Variants in FBXL7 observed in about 807,000 individuals in gnomAD.
FBXL7 encodes F-box/LRR-repeat protein 7.
In FBXL7, 12 loss-of-function variants were observed where a neutral mutation model predicts 38.3. The observed-to-expected ratio is 0.31, with a 90% CI of 0.20 to 0.51. The LOEUF is 0.51. Among genes scored for constraint, FBXL7 ranks in the 20% least tolerant of loss-of-function variants. The pLI is 0.98. For synonymous variants in FBXL7, 297 were observed against 300.9 expected (o/e 0.99, Z 0.13); for missense variants, 567 against 676.4 (o/e 0.84, Z 1.79).
chr5:15,729,509 AT>A (rs973637013), intron 2 of FBXL7, among the ~76,000 whole-genome samples: 2 of 152,138 alleles, frequency 1.3e-5, no homozygotes, highest in Non-Finnish European at 2.9e-5. Context: ...GAAAGAAAAA[AT>A]TACTGTTATT....
At chr5:15,913,331 A>G (rs894398242) in intron 2 of FBXL7, among the ~76,000 whole-genome samples, 3 of 150,750 alleles carry the variant, frequency 2.0e-5, no homozygotes, top group Non-Finnish European at 2.9e-5. Flanking sequence ...GGTTAGTTAC[A>G]TATGTATACA....
intron 2 of FBXL7, among the ~76,000 whole-genome samples, chr5:15,921,629 C>T (rs1741744599): frequency 6.6e-6 from 1 of 152,138 alleles, no homozygotes. Flanking sequence ...TTATAAATAA[C>T]TCATGCAACT....
intron 2 of FBXL7, among the ~76,000 whole-genome samples, chr5:15,666,555 A>C (rs573823072): frequency 6.6e-6 from 1 of 152,270 alleles, no homozygotes; most frequent in South Asian, 2.1e-4. Context: ...TGGGGAGTGT[A>C]CTTGCTCGTT....
intron 2 of FBXL7, among the ~76,000 whole-genome samples, chr5:15,768,188 C>T (rs1225960201): frequency 1.3e-5 from 2 of 152,090 alleles, no homozygotes; most frequent in East Asian, 1.9e-4. Context: ...TACTACTTTA[C>T]AGGTAGAGTG....
chr5:15,803,820 G>A (rs1737634661), intron 2 of FBXL7, among the ~76,000 whole-genome samples: 1 of 152,154 alleles, frequency 6.6e-6, no homozygotes, highest in Non-Finnish European at 1.5e-5. Flanking sequence ...AGGACTCTGT[G>A]CAAGTGAGGA....
intron 2 of FBXL7, among the ~76,000 whole-genome samples, chr5:15,850,933 C>T (rs1006161022): frequency 1.3e-5 from 2 of 152,228 alleles, no homozygotes; most frequent in African/African-American, 2.4e-5. Context: ...TCATCTCTTG[C>T]GGCTTGGCTG....
chr5:15,606,565 C>T (rs1331729907), intron 1 of FBXL7, among the ~76,000 whole-genome samples: 4 of 152,194 alleles, frequency 2.6e-5, no homozygotes, highest in African/African-American at 4.8e-5. Context: ...TTAGGACATT[C>T]AGTGTAAAGA....
chr5:15,580,495 G>A (rs1288677068), intron 1 of FBXL7: 1 of 360,706 alleles, frequency 2.8e-6, no homozygotes, highest in Non-Finnish European at 3.9e-6. Flanking sequence ...GCCATACACT[G>A]GTTTATAATT....
chr5:15,715,322 C>T (rs919992095), intron 2 of FBXL7, among the ~76,000 whole-genome samples: 2 of 151,892 alleles, frequency 1.3e-5, no homozygotes, highest in Non-Finnish European at 2.9e-5. Context: ...GAAACCCCGT[C>T]TCTACCAAAA....
rs372129656 is a variant in FBXL7, at chr5:15,694,214, GCATGTCCTGCAAA to G, written c.127+78143_127+78155del. Among the ~76,000 whole-genome samples, 991 of 152,298 alleles carry G rather than the reference GCATGTCCTGCAAA, an allele frequency of 6.5e-3. 5 individuals carry two copies. Among genetic ancestry groups the G allele is most frequent in the Non-Finnish European group, 9.7e-3 (659 of 68,022 alleles). On this transcript the variant is annotated intron_variant, in intron 2 of 3. Transcript: ENST00000504595. ...CAAAGACACAAGCCTCACCCTTGTT[GCATGTCCTGCAAA>G]GGGATAAGGGAAAACTCCTCCCATT...
chr5:15,685,031 T>A (rs1343196872), intron 2 of FBXL7, among the ~76,000 whole-genome samples: 4 of 152,172 alleles, frequency 2.6e-5, no homozygotes, highest in African/African-American at 9.6e-5. Flanking sequence ...AAAGAGGATT[T>A]TTTTTTTCTG....
chr5:15,568,460 T>C (rs1738660125), intron 1 of FBXL7, among the ~76,000 whole-genome samples: 1 of 152,148 alleles, frequency 6.6e-6, no homozygotes, highest in Non-Finnish European at 1.5e-5. Context: ...TGTAAATTTG[T>C]TTGAGTTCAT....
chr5:15,666,734 A>G (rs1742294518), intron 2 of FBXL7, among the ~76,000 whole-genome samples: 1 of 152,188 alleles, frequency 6.6e-6, no homozygotes, highest in South Asian at 2.1e-4. Context: ...TATCACAGCT[A>G]TTCTCTGACT....
intron 1 of FBXL7, among the ~76,000 whole-genome samples, chr5:15,503,247 C>G (rs1451184716): frequency 6.6e-6 from 1 of 152,082 alleles, no homozygotes; most frequent in Non-Finnish European, 1.5e-5. Context: ...ATGGTGAAAC[C>G]CTGTCTCTAC....
At chr5:15,646,746 A>T (rs1321886800) in intron 2 of FBXL7, among the ~76,000 whole-genome samples, 2 of 152,186 alleles carry the variant, frequency 1.3e-5, no homozygotes, top group Non-Finnish European at 2.9e-5. Flanking sequence ...TCACTCTCAC[A>T]GGTTGAGACC....
At chr5:15,883,591 A>G (rs1366011119) in intron 2 of FBXL7, among the ~76,000 whole-genome samples, 1 of 152,208 alleles carries the variant, frequency 6.6e-6, no homozygotes, top group East Asian at 1.9e-4. Context: ...TGTTGGAAAT[A>G]TTGGGGCAGA....
At chr5:15,671,468 T>C (rs895515388) in intron 2 of FBXL7, among the ~76,000 whole-genome samples, 1 of 152,174 alleles carries the variant, frequency 6.6e-6, no homozygotes, top group Non-Finnish European at 1.5e-5. Flanking sequence ...TTTTGTTTTT[T>C]AAAAAATAAG....
chr5:15,545,107 A>G (rs1429245165), intron 1 of FBXL7, among the ~76,000 whole-genome samples: 3 of 152,212 alleles, frequency 2.0e-5, no homozygotes, highest in Non-Finnish European at 4.4e-5. Flanking sequence ...TAGAACAATT[A>G]GGAAGACTTA....
chr5:15,644,899 A>G (rs1741483004), intron 2 of FBXL7, among the ~76,000 whole-genome samples: 1 of 152,172 alleles, frequency 6.6e-6, no homozygotes, highest in Non-Finnish European at 1.5e-5. Flanking sequence ...ATGGCAGAGC[A>G]AAAGACAGTG....
Sources: gnomAD v4.1 joint callset for allele counts (sites outside exome capture counted in the v4.1 genomes callset) on GRCh38, gnomAD v4.1.1 for gene constraint, MANE v1.5 for transcripts, NCBI Gene and HGNC (gene_info 2026-07-23, HGNC 2026-07-21) for gene names.